GALNT17: variants seen among roughly 807,000 people sequenced by gnomAD.
GALNT17 encodes the protein UDP-GalNAc:polypeptide N-acetylgalactosaminyltransferase-like 3.
GALNT17 carries 29 observed loss-of-function variants against 63.7 expected under a neutral mutation model. The ratio of observed to expected loss-of-function variants is 0.46; its 90% CI spans 0.34 to 0.62. GALNT17 has a LOEUF of 0.62. Among genes scored for constraint, GALNT17 ranks in the 20% least tolerant of loss-of-function variants. The probability of loss-of-function intolerance (pLI) is 0.01; values close to 1 mark genes in which losing one functional copy is unlikely to be tolerated. For missense variants in GALNT17, 603 were observed against 799.6 expected (o/e 0.75, Z 2.97); for synonymous variants, 305 against 318.3 (o/e 0.96, Z 0.45).
chr7:71,288,311 C>T (rs749812603), intron 1 of GALNT17, among the ~76,000 whole-genome samples: 8 of 151,302 alleles, frequency 5.3e-5, no homozygotes, highest in South Asian at 2.1e-4. Flanking sequence ...TCATCCTCAT[C>T]GTATTCATGT....
At chr7:71,365,372 T>C (rs1792484808) in intron 2 of GALNT17, among the ~76,000 whole-genome samples, 2 of 152,192 alleles carry the variant, frequency 1.3e-5, no homozygotes, top group African/African-American at 4.8e-5. Context: ...CCTGAATACC[T>C]GTACTACAGG....
chr7:71,509,627 AC>A (rs1788322081), intron 5 of GALNT17, among the ~76,000 whole-genome samples: 1 of 152,184 alleles, frequency 6.6e-6, no homozygotes, highest in African/African-American at 2.4e-5. Context: ...TAGGATTCAA[AC>A]TAGAGCCTGT....
rs193245964 is a variant in GALNT17, at chr7:71,411,296, T to C, written c.590-4593T>C. Among the ~76,000 whole-genome samples, 37 of 152,146 alleles carry C rather than the reference T, an allele frequency of 2.4e-4. 3 individuals carry two copies. In the East Asian group the frequency reaches 2.9e-3, roughly 12 times the overall value. ...CCACCACGCCTGGCTAATTTTTGTA[T>C]TTTTAGTAGAGATAAGGTCACACCA... is the stretch of plus-strand genomic sequence containing the variant. On this transcript the variant is annotated intron_variant, in intron 3 of 10. Transcript: ENST00000333538.
At chr7:71,278,802 C>T (rs181600729) in intron 1 of GALNT17, among the ~76,000 whole-genome samples, 15 of 152,194 alleles carry the variant, frequency 9.9e-5, no homozygotes, top group Non-Finnish European at 1.8e-4. Context: ...TACCTCACAC[C>T]GAGTCCCTTG....
At chr7:71,349,613 A>G (rs1922513) in intron 2 of GALNT17, among the ~76,000 whole-genome samples, 64,031 of 152,034 alleles carry the variant, frequency 0.42, 13,670 homozygotes, top group East Asian at 0.55. Context: ...GTTTCGTTTC[A>G]TTATGAATAA....
Position 71,377,114 on chromosome 7 carries a change from A to AAAAAATATAT in GALNT17, c.423-11120_423-11119insAAAATATATA. Among the ~76,000 whole-genome samples, 85 of 57,442 alleles carry AAAAAATATAT rather than the reference A, an allele frequency of 1.5e-3. 4 individuals carry two copies. Among genetic ancestry groups the AAAAAATATAT allele is most frequent in the Non-Finnish European group, 1.8e-3 (60 of 33,260 alleles). The allele number at this position is 57,442 out of a possible 152,430, so 37.7% of individuals were successfully genotyped here. A position where few individuals can be genotyped will look rare whatever the true frequency, so the allele number is the denominator to read the frequency against. ...AAAAAAAAAAAATAAAAATAAAAAA[A>AAAAAATATAT]ATATATATATATATATATATATATA... is the stretch of plus-strand genomic sequence containing the variant. On this transcript the variant is annotated intron_variant, in intron 2 of 10. Coordinates refer to ENST00000333538, the MANE Select transcript of GALNT17 (RefSeq NM_022479.3).
intron 1 of GALNT17, among the ~76,000 whole-genome samples, chr7:71,262,900 C>T (rs1790411997): frequency 6.6e-6 from 1 of 151,878 alleles, no homozygotes; most frequent in Non-Finnish European, 1.5e-5. Flanking sequence ...AGGCTGGTCT[C>T]AAACTCGTAA....
chr7:71,620,930 T>C (rs185615879), intron 6 of GALNT17, among the ~76,000 whole-genome samples: 1 of 152,288 alleles, frequency 6.6e-6, no homozygotes, highest in East Asian at 1.9e-4. Flanking sequence ...CAGATGACAC[T>C]GAAGACCAAA....
chr7:71,457,172 G>C (rs766232455), intron 5 of GALNT17, among the ~76,000 whole-genome samples: 2 of 152,214 alleles, frequency 1.3e-5, no homozygotes, highest in Non-Finnish European at 2.9e-5. Context: ...TACATTGTCA[G>C]GGTGAAATTC....
At chr7:71,394,956 G>C (rs1793111412) in intron 3 of GALNT17, among the ~76,000 whole-genome samples, 2 of 151,996 alleles carry the variant, frequency 1.3e-5, no homozygotes, top group African/African-American at 4.8e-5. Context: ...ACAAAAATTA[G>C]CTGGGTGTGG....
Position 71,469,605 on chromosome 7 carries a change from A to T in GALNT17, c.962+48500A>T, listed in dbSNP as rs74688618. Among the ~76,000 whole-genome samples, 611 of 152,314 alleles carry T rather than the reference A, an allele frequency of 4.0e-3. 2 individuals are homozygous for T. Among genetic ancestry groups the T allele is most frequent in the Non-Finnish European group, 6.8e-3 (464 of 68,028 alleles). ...ATTGCTTAGCGCTTGCCTTATTTGA[A>T]CATGGTTGGAACACTTGACCACTGT... On this transcript the variant is annotated intron_variant, in intron 5 of 10. Coordinates refer to ENST00000333538, the MANE Select transcript of GALNT17 (RefSeq NM_022479.3).
chr7:71,503,219 A>G (rs1235145466), intron 5 of GALNT17, among the ~76,000 whole-genome samples: 3 of 152,146 alleles, frequency 2.0e-5, no homozygotes, highest in African/African-American at 7.2e-5. Context: ...CATGTCAATG[A>G]TCACTTCTAT....
At chr7:71,401,240 G>A (rs1240761282) in intron 3 of GALNT17, among the ~76,000 whole-genome samples, 1 of 151,682 alleles carries the variant, frequency 6.6e-6, no homozygotes, top group Non-Finnish European at 1.5e-5. Context: ...GCAATTACAG[G>A]TGCCCACCAC....
At chr7:71,212,085 A>T (rs573517720) in intron 1 of GALNT17, among the ~76,000 whole-genome samples, 202 of 152,314 alleles carry the variant, frequency 1.3e-3, no homozygotes, top group Middle Eastern at 3.4e-3. Context: ...AGAGACCTTC[A>T]CAGCAGCCCC....
intron 1 of GALNT17, among the ~76,000 whole-genome samples, chr7:71,153,744 C>T (rs1788176818): frequency 6.6e-6 from 1 of 152,054 alleles, no homozygotes; most frequent in East Asian, 1.9e-4. Context: ...TGGTGAAACC[C>T]AGTCTCTACT....
intron 5 of GALNT17, among the ~76,000 whole-genome samples, chr7:71,479,996 T>C (rs1241658843): frequency 6.6e-6 from 1 of 152,140 alleles, no homozygotes; most frequent in Non-Finnish European, 1.5e-5. Context: ...ACAGAGCAGC[T>C]CTATCCTTTG....
At chr7:71,184,540 C>T (rs1421586445) in intron 1 of GALNT17, among the ~76,000 whole-genome samples, 2 of 152,170 alleles carry the variant, frequency 1.3e-5, no homozygotes, top group Admixed American at 1.3e-4. Context: ...GAGCCTTATC[C>T]TCTTAAGATA....
chr7:71,651,366 G>T (rs1264165200), intron 6 of GALNT17, among the ~76,000 whole-genome samples: 1 of 151,000 alleles, frequency 6.6e-6, no homozygotes, highest in East Asian at 1.9e-4. Context: ...ACAGTGGTGC[G>T]ATCTCGGCTC....
At chr7:71,454,226 C>T (rs904614067) in intron 5 of GALNT17, among the ~76,000 whole-genome samples, 1 of 152,140 alleles carries the variant, frequency 6.6e-6, no homozygotes, top group African/African-American at 2.4e-5. Flanking sequence ...GCATTGTCCC[C>T]CAGACTCCAC....
Sources: gnomAD v4.1 joint callset for allele counts (sites outside exome capture counted in the v4.1 genomes callset) on GRCh38, gnomAD v4.1.1 for gene constraint, MANE v1.5 for transcripts, NCBI Gene and HGNC (gene_info 2026-07-23, HGNC 2026-07-21) for gene names.